Variants in ANKRD36C observed in about 807,000 individuals in gnomAD.
ANKRD36C encodes ankyrin repeat domain-containing protein 36C.
ANKRD36C carries 61 observed loss-of-function variants against 276.4 expected under a neutral mutation model. The observed-to-expected ratio is 0.22, with a 90% CI of 0.18 to 0.27. The LOEUF (loss-of-function observed/expected upper bound fraction) is 0.27, where lower values mean the gene tolerates loss of function less well. Among genes scored for constraint, ANKRD36C ranks in the 10% least tolerant of loss-of-function variants. The pLI, the probability that ANKRD36C is intolerant of heterozygous loss-of-function variation, is 1.00. For synonymous variants in ANKRD36C, 483 were observed against 680.1 expected, an observed-to-expected ratio of 0.71 and a Z score of 4.51; for missense variants, 1,447 against 2,032.3, an observed-to-expected ratio of 0.71 and a Z score of 5.54.
At chr2:95,925,137 A>G (rs1677368887) in intron 30 of ANKRD36C, among the ~76,000 whole-genome samples, 1 of 151,550 alleles carries the variant, frequency 6.6e-6, no homozygotes, top group Admixed American at 6.6e-5. Context: ...TCTTCCATCC[A>G]AATTCAATGT....
Position 95,883,091 on chromosome 2 carries a change from T to C in ANKRD36C, c.3266-594A>G, listed in dbSNP as rs1390519569. Among the ~76,000 whole-genome samples the C allele has an allele frequency of 4.6e-5, 7 of 152,206 alleles. No individual in the cohort carries two copies. The East Asian group carries it at 9.7e-4, about 21-fold the overall frequency. On this transcript the variant is annotated intron_variant, in intron 54 of 66. Transcript: ENST00000456556. The stretch of plus-strand genomic sequence containing the variant: ...CTTCATTTCTCAAACCCACGTGGTG[T>C]AATAATGTGCCTACATTTGTTGTGT...
chr2:95,975,069 T>C (rs1678780679), intron 6 of ANKRD36C, among the ~76,000 whole-genome samples: 3 of 151,914 alleles, frequency 2.0e-5, no homozygotes, highest in Admixed American at 2.0e-4. Context: ...GACATTTGGG[T>C]TGGTTCCATG....
chr2:95,908,532 C>T (rs1385516675), intron 42 of ANKRD36C: 34 of 1,544,084 alleles, frequency 2.2e-5, no homozygotes, highest in Non-Finnish European at 2.5e-5. Context: ...TGCTTTTTTC[C>T]TCTGGCTATA....
At chr2:95,855,746 A>T (rs771099890) in exon 63 of ANKRD36C, 3 of 1,613,734 alleles carry the variant, frequency 1.9e-6, no homozygotes, top group Non-Finnish European at 2.5e-6. Context: ...GAGAATTCAA[A>T]TTTTCCTGTA....
chr2:95,908,625 A>G, intron 42 of ANKRD36C, 44 bp downstream of exon 47: 1 of 1,563,682 alleles, frequency 6.4e-7, no homozygotes, highest in East Asian at 2.4e-5. Context: ...TGTTTCATAG[A>G]CTATACATTT....
chr2:95,915,850 T>C lies in ANKRD36C; in HGVS notation c.2449+130A>G, dbSNP rs975729153. 6.1e-6 allele frequency: 8 copies of C among 1,303,666 alleles called. No individual in the cohort carries two copies. In the African/African-American group the frequency reaches 1.2e-4, roughly 19 times the overall value. The allele number at this position is 1,303,666 out of a possible 1,614,324, so 80.8% of individuals were successfully genotyped here. On this transcript the variant is annotated intron_variant, in intron 38 of 66. Transcript: ENST00000456556. ...AGCAACAGCGTAACCCAAGAACTTA[T>C]TAGAAATGAAGAATCTCAGGCCTGT...
At chr2:95,893,906 G>C (rs1676453830) in intron 44 of ANKRD36C, among the ~76,000 whole-genome samples, 182 bp from the exon 63 acceptor site, 1 of 151,390 alleles carries the variant, frequency 6.6e-6, no homozygotes, top group Admixed American at 6.6e-5. Context: ...GGGAATACAG[G>C]CTCCATGAAA....
At chr2:95,865,397 A>G (rs1293867506) in intron 60 of ANKRD36C, among the ~76,000 whole-genome samples, 2 of 152,104 alleles carry the variant, frequency 1.3e-5, no homozygotes, top group African/African-American at 2.4e-5. Context: ...TAGCACAGTC[A>G]AAACAGAACA....
chr2:95,960,942 TA>T (rs1215596778), intron 8 of ANKRD36C, among the ~76,000 whole-genome samples: 15 of 152,096 alleles, frequency 9.9e-5, no homozygotes, highest in Non-Finnish European at 8.8e-5. Flanking sequence ...TCAATGTGGA[TA>T]TGCCGAGTGA....
At chr2:95,893,796 T>C (rs1391465698) in intron 44 of ANKRD36C, 72 bp from the exon 63 acceptor site, 1 of 1,597,916 alleles carries the variant, frequency 6.3e-7, no homozygotes, top group Non-Finnish European at 8.5e-7. Flanking sequence ...TCATGCAGAG[T>C]TAGCATCAAA....
intron 44 of ANKRD36C, 132 bp downstream of exon 60, chr2:95,897,138 T>C (rs1676575781): frequency 9.1e-7 from 1 of 1,097,574 alleles, no homozygotes; most frequent in Non-Finnish European, 1.3e-6. Flanking sequence ...ACAAACTTAT[T>C]TGAAATGAAG....
At chr2:95,929,025 C>A in intron 26 of ANKRD36C, 47 bp downstream of exon 26, 1 of 1,598,632 alleles carries the variant, frequency 6.3e-7, no homozygotes, top group Non-Finnish European at 8.5e-7. Context: ...GGGAAGTTCT[C>A]TTCCATCTTG....
chr2:95,890,260 T>A (rs1309493572), intron 46 of ANKRD36C, among the ~76,000 whole-genome samples: 7 of 151,494 alleles, frequency 4.6e-5, no homozygotes, highest in Non-Finnish European at 4.4e-5. Context: ...TCAATATCAA[T>A]GTCGATATGC....
chr2:95,915,982 G>A (rs1279605769), exon 38 of ANKRD36C: 4 of 1,548,016 alleles, frequency 2.6e-6, no homozygotes, highest in Non-Finnish European at 3.5e-6. Context: ...AAAATTACCT[G>A]TCCTAGATAT....
intron 36 of ANKRD36C, among the ~76,000 whole-genome samples, 159 bp from the exon 39 acceptor site, chr2:95,916,330 T>C (rs779259179): frequency 4.0e-4 from 61 of 151,582 alleles, no homozygotes; most frequent in African/African-American, 1.3e-3. Flanking sequence ...ATGACAGAAA[T>C]ACACTGAAAA....
At chr2:95,979,929 T>C (rs1446800196) in intron 5 of ANKRD36C, among the ~76,000 whole-genome samples, 1 of 152,010 alleles carries the variant, frequency 6.6e-6, no homozygotes, top group African/African-American at 2.4e-5. Flanking sequence ...AGAGCAAGGT[T>C]CTGCTGTTTT....
intron 42 of ANKRD36C, 107 bp downstream of exon 48, chr2:95,908,395 T>G (rs1676807947): frequency 8.4e-7 from 1 of 1,195,604 alleles, no homozygotes; most frequent in African/African-American, 1.5e-5. Context: ...TCAGGACTGC[T>G]GAATCAGAAT....
intron 59 of ANKRD36C, among the ~76,000 whole-genome samples, chr2:95,870,032 A>C (rs1047896150): frequency 6.6e-6 from 1 of 152,266 alleles, no homozygotes; most frequent in Non-Finnish European, 1.5e-5. Flanking sequence ...GGTGGAGCCC[A>C]CCACAGCTCA....
At chr2:95,974,820 C>T (rs1320923665) in intron 6 of ANKRD36C, among the ~76,000 whole-genome samples, 3 of 115,110 alleles carry the variant, frequency 2.6e-5, no homozygotes, top group Non-Finnish European at 5.1e-5. Flanking sequence ...CACCCCACAA[C>T]AGTCCCTGGT....
Sources: allele counts gnomAD v4.1 joint callset (sites outside exome capture counted in the v4.1 genomes callset), GRCh38; gene constraint gnomAD v4.1.1; transcripts MANE v1.5; gene names NCBI Gene and HGNC (gene_info 2026-07-23, HGNC 2026-07-21).